GPC3: variants seen among roughly 807,000 people sequenced by gnomAD.
GPC3 encodes glypican 3, also known as glypican-3.
GPC3 carries 3 observed loss-of-function variants against 34.4 expected under a neutral mutation model. That is an observed-to-expected ratio of 0.09 (90% CI 0.04 to 0.23). The LOEUF (loss-of-function observed/expected upper bound fraction) is 0.23. GPC3 is among the 10% of genes least tolerant of loss of function. GPC3 has a pLI of 1.00. For synonymous variants in GPC3, 177 were observed against 174.0 expected, an observed-to-expected ratio of 1.02 and a Z score of -0.13; for missense variants, 351 against 445.6, an observed-to-expected ratio of 0.79 and a Z score of 1.91.
intron 2 of GPC3, among the ~76,000 whole-genome samples, chrX:133,884,338 A>G (rs920193413): frequency 1.8e-5 from 2 of 111,683 alleles, no homozygotes; most frequent in African/African-American, 6.5e-5. Flanking sequence ...CCAGACTGCA[A>G]CAAGCCCCTG....
intron 7 of GPC3, among the ~76,000 whole-genome samples, chrX:133,565,843 G>A (rs1191355470): frequency 8.9e-6 from 1 of 112,340 alleles, no homozygotes; most frequent in East Asian, 2.8e-4. Context: ...GCAGAATAGG[G>A]AGAGTTTGAG....
At chrX:133,718,667 A>G (rs768613645) in intron 3 of GPC3, among the ~76,000 whole-genome samples, 1 of 111,443 alleles carries the variant, frequency 9.0e-6, no homozygotes, top group Non-Finnish European at 1.9e-5. Context: ...GGCAAAATAG[A>G]TTTAAACCAA....
chrX:133,651,239 A>C (rs1485553933), intron 6 of GPC3, among the ~76,000 whole-genome samples: 1 of 108,209 alleles, frequency 9.2e-6, no homozygotes, highest in African/African-American at 3.4e-5. Context: ...GCTGGAGTGC[A>C]GTGGCGCGAT....
At chrX:133,983,930 A>C (rs935998719) in intron 1 of GPC3, among the ~76,000 whole-genome samples, 1 of 113,010 alleles carries the variant, frequency 8.8e-6, no homozygotes, top group Non-Finnish European at 1.9e-5. Context: ...GTCACCAAAA[A>C]GGGTGACCAA....
At chrX:133,660,361 C>T (rs139149591) in intron 6 of GPC3, among the ~76,000 whole-genome samples, 2 of 112,419 alleles carry the variant, frequency 1.8e-5, no homozygotes, top group Non-Finnish European at 1.9e-5. Context: ...ATGCCACAGT[C>T]CTCCCACCCA....
intron 6 of GPC3, among the ~76,000 whole-genome samples, chrX:133,610,870 T>TA (rs1472676456): frequency 3.8e-5 from 4 of 106,507 alleles, no homozygotes; most frequent in Admixed American, 1.0e-4. Flanking sequence ...ACTGGAATGG[T>TA]AAGTGAGTTA....
At chrX:133,708,393 C>A (rs1199240141) in intron 3 of GPC3, among the ~76,000 whole-genome samples, 1 of 111,745 alleles carries the variant, frequency 8.9e-6, no homozygotes, top group Non-Finnish European at 1.9e-5. Context: ...TGTTTTCCAT[C>A]CAAAGAAGCC....
chrX:133,572,637 TA>T (rs2069644102), intron 7 of GPC3, among the ~76,000 whole-genome samples: 2 of 111,613 alleles, frequency 1.8e-5, no homozygotes, highest in South Asian at 3.7e-4. Flanking sequence ...AAAGGGACAT[TA>T]CAACTAACTG....
intron 6 of GPC3, among the ~76,000 whole-genome samples, chrX:133,648,038 C>T (rs1052449049): frequency 2.8e-4 from 31 of 111,567 alleles, no homozygotes; most frequent in African/African-American, 8.8e-4. Flanking sequence ...GTGGGAGGGC[C>T]GCACCCTACT....
chrX:133,631,035 C>T (rs1175896965), intron 6 of GPC3, among the ~76,000 whole-genome samples: 1 of 111,928 alleles, frequency 8.9e-6, no homozygotes, highest in African/African-American at 3.3e-5. Flanking sequence ...TATAAACAAA[C>T]TACATTAATT....
chrX:133,799,724 C>G (rs1455607239), intron 2 of GPC3, among the ~76,000 whole-genome samples: 1 of 111,624 alleles, frequency 9.0e-6, no homozygotes, highest in East Asian at 2.8e-4. Context: ...TTTCTTCACT[C>G]ACATGCAAGC....
intron 2 of GPC3, among the ~76,000 whole-genome samples, chrX:133,785,511 A>G (rs1273396135): frequency 8.9e-6 from 1 of 112,081 alleles, no homozygotes; most frequent in Non-Finnish European, 1.9e-5. Flanking sequence ...ACAGACAGGT[A>G]CCAATATAAA....
intron 2 of GPC3, among the ~76,000 whole-genome samples, chrX:133,864,317 T>C (rs1466525235): frequency 8.9e-6 from 1 of 111,843 alleles, no homozygotes; most frequent in Non-Finnish European, 1.9e-5. Context: ...CTGTTCCTGA[T>C]CCCATTTCAC....
intron 2 of GPC3, among the ~76,000 whole-genome samples, chrX:133,868,098 C>T (rs2075976668): frequency 8.9e-6 from 1 of 111,845 alleles, no homozygotes; most frequent in Non-Finnish European, 1.9e-5. Flanking sequence ...GTCACACTGG[C>T]CCTCTGTCTT....
chrX:133,951,021 T>C (rs2076390068), intron 2 of GPC3, among the ~76,000 whole-genome samples: 1 of 106,526 alleles, frequency 9.4e-6, no homozygotes, highest in East Asian at 3.0e-4. Flanking sequence ...AGGGTTGTCC[T>C]TCTGTCTATC....
At chrX:133,785,332 C>T (rs1221039169) in intron 2 of GPC3, among the ~76,000 whole-genome samples, 1 of 111,063 alleles carries the variant, frequency 9.0e-6, no homozygotes, top group African/African-American at 3.3e-5. Flanking sequence ...AACTAGGTTC[C>T]AAGCCATAGC....
chrX:133,938,398 A>T (rs1421756825), intron 2 of GPC3, among the ~76,000 whole-genome samples: 1 of 111,576 alleles, frequency 9.0e-6, no homozygotes, highest in Non-Finnish European at 1.9e-5. Context: ...TTCCATACCT[A>T]GAGTAACTTA....
chrX:133,854,792 G>C (rs142955836), intron 2 of GPC3, among the ~76,000 whole-genome samples: 1 of 112,316 alleles, frequency 8.9e-6, no homozygotes, highest in South Asian at 3.7e-4. Flanking sequence ...TAGTGACACA[G>C]GTCCTCTTAT....
chrX:133,733,586 C>A (rs1332038519), intron 3 of GPC3, among the ~76,000 whole-genome samples: 1 of 111,033 alleles, frequency 9.0e-6, no homozygotes, highest in Non-Finnish European at 1.9e-5. Flanking sequence ...TAGAGAAACA[C>A]TGACAAAATC....
Sources: gnomAD v4.1 joint callset for allele counts (sites outside exome capture counted in the v4.1 genomes callset) on GRCh38, gnomAD v4.1.1 for gene constraint, MANE v1.5 for transcripts, NCBI Gene and HGNC (gene_info 2026-07-23, HGNC 2026-07-21) for gene names.